The following EPSTI1 variants were observed in gnomAD, a reference collection of about 807,000 sequenced individuals.
EPSTI1 encodes epithelial-stromal interaction protein 1.
EPSTI1 carries 66 observed loss-of-function variants against 49.9 expected under a neutral mutation model. The ratio of observed to expected loss-of-function variants is 1.32; its 90% CI spans 1.08 to 1.62. The LOEUF is 1.62. Ranked by LOEUF, EPSTI1 falls within the 40% of genes most tolerant of loss-of-function variation. EPSTI1 has a pLI of 0.00. For synonymous variants in EPSTI1, 137 were observed against 130.7 expected, an observed-to-expected ratio of 1.05 and a Z score of -0.33; for missense variants, 394 against 365.5, an observed-to-expected ratio of 1.08 and a Z score of -0.64.
chr13:42,916,905 A>T (rs985991011), intron 8 of EPSTI1, among the ~76,000 whole-genome samples: 1 of 152,180 alleles, frequency 6.6e-6, no homozygotes, highest in Admixed American at 6.5e-5. Context: ...CTGGCCTATT[A>T]AAAGCAGGTA....
chr13:42,889,967 A>G (rs1042281750), intron 10 of EPSTI1, among the ~76,000 whole-genome samples: 8 of 152,198 alleles, frequency 5.3e-5, no homozygotes. Context: ...ATTTCATGTA[A>G]GTACTCAATT....
chr13:42,897,322 C>G (rs947426441), intron 9 of EPSTI1, among the ~76,000 whole-genome samples: 2 of 152,178 alleles, frequency 1.3e-5, no homozygotes, highest in Non-Finnish European at 2.9e-5. Context: ...TTAACGTCAC[C>G]TTGTGATATT....
intron 8 of EPSTI1, among the ~76,000 whole-genome samples, chr13:42,906,289 G>A (rs1159026292): frequency 6.6e-6 from 1 of 152,228 alleles, no homozygotes; most frequent in African/African-American, 2.4e-5. Flanking sequence ...ACAGGTGTGT[G>A]TAAAGCTGGA....
intron 7 of EPSTI1, among the ~76,000 whole-genome samples, chr13:42,923,349 C>T (rs2038074547): frequency 6.6e-6 from 1 of 152,064 alleles, no homozygotes; most frequent in African/African-American, 2.4e-5. Context: ...TCATTTCAGC[C>T]CAGGAGTTTG....
chr13:42,905,704 G>A (rs1218479877), intron 8 of EPSTI1, among the ~76,000 whole-genome samples: 1 of 152,150 alleles, frequency 6.6e-6, no homozygotes, highest in Non-Finnish European at 1.5e-5. Flanking sequence ...CTAGGTTCAT[G>A]CTAAAGGTAC....
chr13:42,975,245 C>A (rs1228207086), intron 1 of EPSTI1, among the ~76,000 whole-genome samples: 1 of 152,116 alleles, frequency 6.6e-6, no homozygotes, highest in Non-Finnish European at 1.5e-5. Context: ...AGATCAAATT[C>A]CCAAGAATAA....
intron 1 of EPSTI1, among the ~76,000 whole-genome samples, chr13:42,989,567 C>CTTTTTTTTTTTTTTTTTTTTTTT: frequency 2.9e-4 from 23 of 79,008 alleles, no homozygotes; most frequent in South Asian, 1.2e-3. Flanking sequence ...CCTCTTTTTT[C>CTTTTTTTTTTTTTTTTTTTTTTT]TTTTTTTTTT....
chr13:42,978,030 G>A (rs997800281), intron 1 of EPSTI1, among the ~76,000 whole-genome samples: 1 of 152,054 alleles, frequency 6.6e-6, no homozygotes, highest in Non-Finnish European at 1.5e-5. Context: ...GCGGGCGCCT[G>A]TAGTCCCAGC....
At chr13:42,928,754 C>A (rs55819943) in intron 6 of EPSTI1, among the ~76,000 whole-genome samples, 21,731 of 152,188 alleles carry the variant, frequency 0.14, 1,607 homozygotes, top group South Asian at 0.22. Context: ...TCTGGCCACA[C>A]AACTTGGCTA....
At chr13:42,930,558 A>C (rs2038330024) in intron 6 of EPSTI1, among the ~76,000 whole-genome samples, 1 of 152,236 alleles carries the variant, frequency 6.6e-6, no homozygotes, top group East Asian at 1.9e-4. Flanking sequence ...AAAACATGAA[A>C]GTGAGTAGTA....
Position 42,917,637 on chromosome 13 carries a change from A to AAAC in EPSTI1, c.658-14_658-13insGTT. 2.4e-6 allele frequency: 3 copies of AAAC among 1,256,392 alleles called. No individual in the cohort carries two copies. Among genetic ancestry groups the AAAC allele is most frequent in the Non-Finnish European group, 3.3e-6 (3 of 915,010 alleles). 77.8% of individuals were successfully genotyped at this position (1,256,392 alleles called of 1,614,324 possible). A position where few individuals can be genotyped will look rare whatever the true frequency, so the allele number is the denominator to read the frequency against. On this transcript the variant is annotated splice_polypyrimidine_tract_variant and intron_variant, in intron 7 of 10. Coordinates refer to ENST00000313624, the MANE Select transcript of EPSTI1 (RefSeq NM_033255.5). Reference sequence around the variant, plus strand: ...CCCAGCTTCTGGCCTGTAAAGGTACAAAGAGAAAAAAAAAAAAAAAAACAA... The same window carrying AAAC: ...CCCAGCTTCTGGCCTGTAAAGGTACAAACAAGAGAAAAAAAAAAAAAAAAACAA...
rs1265648829 is a variant in EPSTI1, at chr13:42,886,673, T to C, written c.*1821A>G. 1 of 152,306 alleles carries C rather than the reference T, an allele frequency of 6.6e-6. No homozygotes were observed. Among genetic ancestry groups the C allele is most frequent in the East Asian group, 1.9e-4 (1 of 5,188 alleles). 9.4% of individuals were successfully genotyped at this position (152,306 alleles called of 1,614,324 possible). On this transcript the variant is annotated 3_prime_UTR_variant, in exon 11 of 11. Coordinates refer to ENST00000313624, the MANE Select transcript of EPSTI1 (RefSeq NM_033255.5). The stretch of plus-strand genomic sequence containing the variant: ...TCCTTTAGGCAGCAAGTCTTGCTTC[T>C]CTCCTGGTTACCTCTGCCTACATAG...
intron 7 of EPSTI1, among the ~76,000 whole-genome samples, chr13:42,923,726 T>C (rs1289938762): frequency 1.3e-5 from 2 of 152,230 alleles, no homozygotes; most frequent in South Asian, 2.1e-4. Context: ...CATGTAAAAG[T>C]GAACCCTGTA....
intron 8 of EPSTI1, among the ~76,000 whole-genome samples, chr13:42,907,052 T>G (rs1444168695): frequency 6.6e-6 from 1 of 152,192 alleles, no homozygotes; most frequent in Non-Finnish European, 1.5e-5. Context: ...TCAACCACAG[T>G]CACTCCACTG....
chr13:42,941,482 C>G (rs1409230923), intron 6 of EPSTI1, among the ~76,000 whole-genome samples: 5 of 151,610 alleles, frequency 3.3e-5, no homozygotes, highest in African/African-American at 1.2e-4. Context: ...TTAGCTGGGC[C>G]TAGTGGTGCA....
At chr13:42,899,329 G>A (rs1325155294) in intron 9 of EPSTI1, among the ~76,000 whole-genome samples, 1 of 151,996 alleles carries the variant, frequency 6.6e-6, no homozygotes, top group African/African-American at 2.4e-5. Context: ...TAGCCTAACC[G>A]ACATATCAGA....
At chr13:42,918,605 T>C (rs2037904637) in intron 7 of EPSTI1, among the ~76,000 whole-genome samples, 1 of 152,176 alleles carries the variant, frequency 6.6e-6, no homozygotes, top group Admixed American at 6.5e-5. Flanking sequence ...TAAAAACCCA[T>C]ATCCCATCAA....
chr13:42,931,196 T>C lies in EPSTI1; in HGVS notation c.564-4767A>G, dbSNP rs1213320778. Reference sequence around the variant, plus strand: ...GAGCTACCTTTTGCCTACAGCTTTTTTTTTTTTTTTTTTTTTTTTTGAGAC... The same window carrying C: ...GAGCTACCTTTTGCCTACAGCTTTTCTTTTTTTTTTTTTTTTTTTTGAGAC... On this transcript the variant is annotated intron_variant, in intron 6 of 10. Transcript: ENST00000313624. 5.6e-3 allele frequency among the ~76,000 whole-genome samples: 68 copies of C among 12,052 alleles called. 1 individual carries two copies. The highest frequency in any genetic ancestry group is 2.2e-3 in the Non-Finnish European group (8 of 3,678). 7.9% of individuals were successfully genotyped at this position (12,052 alleles called of 152,430 possible).
chr13:42,969,281 T>C (rs2039707500), intron 2 of EPSTI1, 104 bp from the exon 3 acceptor site: 5 of 1,113,106 alleles, frequency 4.5e-6, no homozygotes, highest in South Asian at 4.1e-5. Flanking sequence ...ATTAACTATA[T>C]GTGAGCATGA....
Sources: gnomAD v4.1 joint callset for allele counts (sites outside exome capture counted in the v4.1 genomes callset) on GRCh38, gnomAD v4.1.1 for gene constraint, MANE v1.5 for transcripts, NCBI Gene and HGNC (gene_info 2026-07-23, HGNC 2026-07-21) for gene names.